Variants in CACNG5 observed in about 807,000 individuals in gnomAD.
CACNG5 encodes the protein voltage-dependent calcium channel gamma-5 subunit.
In CACNG5, 18 loss-of-function variants were observed where a neutral mutation model predicts 24.8. The ratio of observed to expected loss-of-function variants is 0.73; its 90% CI spans 0.50 to 1.08. The LOEUF (loss-of-function observed/expected upper bound fraction) is 1.08. Among genes scored for constraint, CACNG5 ranks in the 50% least tolerant of loss-of-function variants. The pLI is 0.00. For missense variants in CACNG5, 349 were observed against 367.9 expected (o/e 0.95, Z 0.42); for synonymous variants, 157 against 149.1 (o/e 1.05, Z -0.39).
chr17:66,847,453 G>T (rs1343988439), intron 1 of CACNG5, among the ~76,000 whole-genome samples: 1 of 152,190 alleles, frequency 6.6e-6, no homozygotes, highest in Non-Finnish European at 1.5e-5. Flanking sequence ...TTACATGGCA[G>T]CAGGCAAGAG....
chr17:66,851,504 T>C (rs965965823), intron 1 of CACNG5, among the ~76,000 whole-genome samples: 2 of 152,220 alleles, frequency 1.3e-5, no homozygotes, highest in African/African-American at 4.8e-5. Context: ...AAAAACATGG[T>C]TGTAGAACAG....
intron 1 of CACNG5, among the ~76,000 whole-genome samples, chr17:66,849,658 C>A (rs1473798363): frequency 6.6e-6 from 1 of 152,178 alleles, no homozygotes; most frequent in Non-Finnish European, 1.5e-5. Flanking sequence ...GGCAGGACAC[C>A]CCTCTCAGCC....
At chr17:66,838,174 A>G (rs1460662464) in intron 1 of CACNG5, among the ~76,000 whole-genome samples, 1 of 151,872 alleles carries the variant, frequency 6.6e-6, no homozygotes, top group Non-Finnish European at 1.5e-5. Context: ...TAGGTCAGCA[A>G]AATGACAGAG....
At chr17:66,880,855 C>T (rs542662585) in intron 4 of CACNG5, among the ~76,000 whole-genome samples, 158 bp downstream of exon 4, 1 of 152,362 alleles carries the variant, frequency 6.6e-6, no homozygotes, top group South Asian at 2.1e-4. Flanking sequence ...AATTCTGCCT[C>T]AGCCTCCCAA....
chr17:66,852,059 G>A (rs1228636938), intron 1 of CACNG5, among the ~76,000 whole-genome samples: 1 of 152,166 alleles, frequency 6.6e-6, no homozygotes, highest in Non-Finnish European at 1.5e-5. Flanking sequence ...AATCGGCTGG[G>A]GCCTGGATAG....
intron 1 of CACNG5, among the ~76,000 whole-genome samples, chr17:66,847,659 C>T (rs1404720533): frequency 6.6e-6 from 1 of 152,082 alleles, no homozygotes; most frequent in Non-Finnish European, 1.5e-5. Flanking sequence ...ATATCACCTT[C>T]CCCCTAGGGT....
chr17:66,855,060 G>T (rs984229683), intron 1 of CACNG5, among the ~76,000 whole-genome samples: 3 of 152,172 alleles, frequency 2.0e-5, no homozygotes, highest in African/African-American at 7.2e-5. Context: ...CATACTGCAG[G>T]TGGTAGAACT....
chr17:66,838,263 A>G (rs1976510930), intron 1 of CACNG5, among the ~76,000 whole-genome samples: 1 of 151,824 alleles, frequency 6.6e-6, no homozygotes, highest in Non-Finnish European at 1.5e-5. Context: ...CAAAAATGGC[A>G]TAATTCACTC....
intron 2 of CACNG5, 149 bp from the exon 3 acceptor site, chr17:66,878,823 C>G (rs1977119532): frequency 1.6e-6 from 1 of 618,162 alleles, no homozygotes; most frequent in Non-Finnish European, 2.8e-6. Context: ...GAGCCAGGGA[C>G]AGGACCCCCA....
In CACNG5 at chr17:66,887,971, T is replaced by A. The variant is rs539341073; in HGVS notation, c.*2731T>A. Reference sequence around the variant, plus strand: ...AGGAGACTTTTACCAAACGTTAACATGTACAAACTCAACTCAGAAATCATA... The same window carrying A: ...AGGAGACTTTTACCAAACGTTAACAAGTACAAACTCAACTCAGAAATCATA... On this transcript the variant is annotated 3_prime_UTR_variant, in exon 6 of 6. Coordinates refer to ENST00000533854, the MANE Select transcript of CACNG5 (RefSeq NM_145811.3). Among the ~76,000 whole-genome samples, 7 of 152,138 alleles carry A rather than the reference T, an allele frequency of 4.6e-5. No individual in the cohort carries two copies. The highest frequency in any genetic ancestry group is 1.2e-4 in the African/African-American group (5 of 41,426).
Position 66,877,545 on chromosome 17 carries a change from T to C in CACNG5, c.196+17T>C, listed in dbSNP as rs1486123206. The C allele has an allele frequency of 2.5e-6, 4 of 1,608,278 alleles. No individual in the cohort carries two copies. Among genetic ancestry groups the C allele is most frequent in the Non-Finnish European group, 3.4e-6 (4 of 1,176,250 alleles). ...TCCTTGCAGGTAAGGGTGCCCAGGG[T>C]TGGGGACAGCCCTGCCCCCTGACAT... On this transcript the variant is annotated intron_variant, in intron 2 of 5. Transcript: ENST00000533854.
At chr17:66,856,315 A>T (rs941417356) in intron 1 of CACNG5, among the ~76,000 whole-genome samples, 2 of 152,140 alleles carry the variant, frequency 1.3e-5, no homozygotes, top group Admixed American at 6.5e-5. Flanking sequence ...CAGAGGTGAA[A>T]TTTTTTAAAT....
In CACNG5 at chr17:66,877,280, A is replaced by C. The variant is rs1977092802; in HGVS notation, c.-53A>C. 2 of 1,500,058 alleles carry C rather than the reference A, an allele frequency of 1.3e-6. No individual in the cohort carries two copies. The highest frequency in any genetic ancestry group is 4.5e-5 in the East Asian group (2 of 44,012). 92.9% of individuals were successfully genotyped at this position (1,500,058 alleles called of 1,614,324 possible). A position where few individuals can be genotyped will look rare whatever the true frequency, so the allele number is the denominator to read the frequency against. On this transcript the variant is annotated 5_prime_UTR_variant, in exon 2 of 6. Transcript: ENST00000533854. ...CCCACTCTCCCTAGCCCCAGAGCGCAGTCCGTGCTGGTGGGAGCGTGGCGA... is the reference window on the plus strand; with the variant it reads ...CCCACTCTCCCTAGCCCCAGAGCGCCGTCCGTGCTGGTGGGAGCGTGGCGA...
chr17:66,887,974 A>G lies in CACNG5; in HGVS notation c.*2734A>G, dbSNP rs912626804. ...AGACTTTTACCAAACGTTAACATGTACAAACTCAACTCAGAAATCATAAAT... is the reference window on the plus strand; with the variant it reads ...AGACTTTTACCAAACGTTAACATGTGCAAACTCAACTCAGAAATCATAAAT... On this transcript the variant is annotated 3_prime_UTR_variant, in exon 6 of 6. Transcript: ENST00000533854. Among the ~76,000 whole-genome samples, 11 of 152,164 alleles carry G rather than the reference A, an allele frequency of 7.2e-5. No individual in the cohort carries two copies. Among genetic ancestry groups the G allele is most frequent in the Non-Finnish European group, 2.9e-5 (2 of 68,030 alleles).
chr17:66,852,149 C>G (rs1438549219), intron 1 of CACNG5, among the ~76,000 whole-genome samples: 1 of 152,228 alleles, frequency 6.6e-6, no homozygotes, highest in Non-Finnish European at 1.5e-5. Flanking sequence ...CCTTGGACAT[C>G]AGAACTTCAG....
At chr17:66,836,600 G>A (rs1976484776) in intron 1 of CACNG5, among the ~76,000 whole-genome samples, 1 of 152,198 alleles carries the variant, frequency 6.6e-6, no homozygotes, top group African/African-American at 2.4e-5. Flanking sequence ...CTCTGCTAAC[G>A]CAGCCCCTGG....
intron 1 of CACNG5, among the ~76,000 whole-genome samples, chr17:66,842,750 C>T (rs572482250): frequency 1.9e-4 from 29 of 152,300 alleles, no homozygotes; most frequent in Admixed American, 3.9e-4. Flanking sequence ...TAAAAATAGA[C>T]GAGCACTTCC....
intron 1 of CACNG5, among the ~76,000 whole-genome samples, chr17:66,860,505 GA>G (rs77986019): frequency 0.089 from 12,936 of 145,714 alleles, 587 homozygotes; most frequent in Non-Finnish European, 0.1. Flanking sequence ...AGTGCTGGAA[GA>G]AAAAAAAAAT....
intron 1 of CACNG5, among the ~76,000 whole-genome samples, chr17:66,846,168 G>A (rs1369930637): frequency 6.6e-6 from 1 of 152,140 alleles, no homozygotes; most frequent in Non-Finnish European, 1.5e-5. Context: ...CTTTGGGTAT[G>A]CGTTTTTTAA....
Sources: allele counts gnomAD v4.1 joint callset (sites outside exome capture counted in the v4.1 genomes callset), GRCh38; gene constraint gnomAD v4.1.1; transcripts MANE v1.5; gene names NCBI Gene and HGNC (gene_info 2026-07-23, HGNC 2026-07-21).